Variants in SLC25A48 observed in about 807,000 individuals in gnomAD.
SLC25A48 encodes CTC-321K16.1.
In SLC25A48, 29 loss-of-function variants were observed where a neutral mutation model predicts 32.2. The ratio of observed to expected loss-of-function variants is 0.90; its 90% CI spans 0.67 to 1.23. SLC25A48 has a LOEUF of 1.23. SLC25A48 is among the 50% of genes most tolerant of loss of function. The probability of loss-of-function intolerance (pLI) is 0.00; values close to 1 mark genes in which losing one functional copy is unlikely to be tolerated. For synonymous variants in SLC25A48, 164 were observed against 172.3 expected, an observed-to-expected ratio of 0.95 and a Z score of 0.38; for missense variants, 399 against 422.7, an observed-to-expected ratio of 0.94 and a Z score of 0.49.
At chr5:135,683,055 G>A (rs992016901) in intron 3 of SLC25A48, among the ~76,000 whole-genome samples, 4 of 152,148 alleles carry the variant, frequency 2.6e-5, no homozygotes, top group African/African-American at 9.7e-5. Flanking sequence ...GCCTCTGGAG[G>A]GTGGACCAGA....
intron 3 of SLC25A48, among the ~76,000 whole-genome samples, chr5:135,694,155 A>G (rs1754212741): frequency 6.6e-6 from 1 of 152,146 alleles, no homozygotes. Flanking sequence ...CTGCACAGAG[A>G]CTGGGAGGGA....
intron 4 of SLC25A48, among the ~76,000 whole-genome samples, chr5:135,821,048 G>C (rs1333926122): frequency 6.6e-6 from 1 of 152,162 alleles, no homozygotes; most frequent in Non-Finnish European, 1.5e-5. Context: ...AAACTAACTA[G>C]AGCCCCCTTT....
intron 3 of SLC25A48, among the ~76,000 whole-genome samples, chr5:135,750,185 T>C (rs907526422): frequency 6.6e-6 from 1 of 152,238 alleles, no homozygotes; most frequent in African/African-American, 2.4e-5. Flanking sequence ...ACCCCTGGGC[T>C]AAGAACTCAA....
At chr5:135,826,565 G>A (rs1043606602) in intron 4 of SLC25A48, 2 of 152,232 alleles carry the variant, frequency 1.3e-5, no homozygotes, top group Non-Finnish European at 2.9e-5. Flanking sequence ...GCACCTTGGC[G>A]CTGGTGCACT....
intron 3 of SLC25A48, among the ~76,000 whole-genome samples, chr5:135,692,189 G>A (rs1288180427): frequency 3.3e-5 from 5 of 152,000 alleles, no homozygotes; most frequent in Admixed American, 6.6e-5. Context: ...GTGGTGGCAT[G>A]CGCCTGTAGT....
intron 7 of SLC25A48, among the ~76,000 whole-genome samples, chr5:135,886,949 CT>C (rs905968856): frequency 6.6e-6 from 1 of 151,826 alleles, no homozygotes; most frequent in African/African-American, 2.4e-5. Context: ...GCCAATTTGC[CT>C]TACCAGGAAA....
chr5:135,673,922 T>C (rs185358530), intron 3 of SLC25A48, among the ~76,000 whole-genome samples: 112 of 151,916 alleles, frequency 7.4e-4, no homozygotes, highest in African/African-American at 2.6e-3. Context: ...CAAGGCTTTT[T>C]TTTCCCCCCC....
At chr5:135,655,611 T>A (rs1205497601) in intron 3 of SLC25A48, among the ~76,000 whole-genome samples, 2 of 152,208 alleles carry the variant, frequency 1.3e-5, no homozygotes, top group Non-Finnish European at 2.9e-5. Context: ...TGGTCTTCAG[T>A]GTGGGGACAG....
In SLC25A48 at chr5:135,602,473, T is replaced by C. The variant is rs40978; in HGVS notation, c.-849+22876T>C. ...TCTACTCCCTGAAGTTTTTGAGTTA[T>C]GGGGTTAGGGGTTCTACTAACTAAG... On this transcript the variant is annotated intron_variant, in intron 1 of 10. Transcript: ENST00000646290. 3.7e-3 allele frequency among the ~76,000 whole-genome samples: 562 copies of C among 152,328 alleles called. 1 individual carries two copies. The highest frequency in any genetic ancestry group is 6.3e-3 in the Non-Finnish European group (430 of 68,030).
chr5:135,586,939 G>A (rs1157146301), intron 1 of SLC25A48, among the ~76,000 whole-genome samples: 1 of 152,300 alleles, frequency 6.6e-6, no homozygotes, highest in African/African-American at 2.4e-5. Flanking sequence ...GCTGCTGGAC[G>A]AAAGAAGGAT....
At chr5:135,687,550 T>C (rs1480426120) in intron 3 of SLC25A48, among the ~76,000 whole-genome samples, 1 of 152,228 alleles carries the variant, frequency 6.6e-6, no homozygotes, top group Non-Finnish European at 1.5e-5. Flanking sequence ...TTTATGTCAA[T>C]TCAGGTCAAG....
chr5:135,882,479 A>G (rs1305933542), intron 7 of SLC25A48, among the ~76,000 whole-genome samples: 6 of 152,078 alleles, frequency 3.9e-5, no homozygotes, highest in African/African-American at 1.4e-4. Context: ...AAGTGGCGGG[A>G]TGGGGACCAT....
chr5:135,850,570 A>T, intron 3 of SLC25A48, 74 bp downstream of exon 3: 1 of 1,418,534 alleles, frequency 7.0e-7, no homozygotes. Context: ...CCACAGCCCC[A>T]CACCAGCATG....
At chr5:135,674,645 G>A (rs1485111206) in intron 3 of SLC25A48, among the ~76,000 whole-genome samples, 2 of 151,400 alleles carry the variant, frequency 1.3e-5, no homozygotes, top group African/African-American at 4.9e-5. Flanking sequence ...CTCCAGTTCT[G>A]ACCATGTTGC....
intron 3 of SLC25A48, among the ~76,000 whole-genome samples, chr5:135,659,194 G>C (rs377396426): frequency 6.6e-6 from 1 of 152,084 alleles, no homozygotes; most frequent in Non-Finnish European, 1.5e-5. Flanking sequence ...ATGAGTGTAG[G>C]CTTTTAGAAG....
intron 3 of SLC25A48, among the ~76,000 whole-genome samples, chr5:135,693,335 C>G (rs1374512893): frequency 1.3e-5 from 2 of 152,202 alleles, no homozygotes; most frequent in Admixed American, 1.3e-4. Context: ...AGGAATGGGT[C>G]AGGCCTGAGT....
intron 3 of SLC25A48, among the ~76,000 whole-genome samples, chr5:135,776,842 A>G (rs1418189128): frequency 6.6e-6 from 1 of 151,844 alleles, no homozygotes; most frequent in African/African-American, 2.4e-5. Flanking sequence ...TCCCAATATC[A>G]AAATGTATAT....
At chr5:135,618,613 A>G (rs923538045) in intron 1 of SLC25A48, among the ~76,000 whole-genome samples, 1 of 151,632 alleles carries the variant, frequency 6.6e-6, no homozygotes, top group Non-Finnish European at 1.5e-5. Flanking sequence ...TTATGTTTTC[A>G]TGATGGTAGT....
chr5:135,869,989 C>A (rs115757061), intron 4 of SLC25A48, among the ~76,000 whole-genome samples: 237 of 152,328 alleles, frequency 1.6e-3, no homozygotes, highest in Admixed American at 3.3e-3. Context: ...ACCCCCTCAA[C>A]CTCACCTGCT....
Sources: allele counts gnomAD v4.1 joint callset (sites outside exome capture counted in the v4.1 genomes callset), GRCh38; gene constraint gnomAD v4.1.1; transcripts MANE v1.5; gene names NCBI Gene and HGNC (gene_info 2026-07-23, HGNC 2026-07-21).